Variants in KLHL3 observed in about 807,000 individuals in gnomAD.
The protein encoded by KLHL3 is kelch-like protein 3.
In KLHL3, 19 loss-of-function variants were observed where a neutral mutation model predicts 70.5. That is an observed-to-expected ratio of 0.27 (90% confidence interval 0.19 to 0.40). KLHL3 has a LOEUF of 0.40. Ranked by LOEUF, KLHL3 falls within the 10% of genes least tolerant of loss-of-function variation. KLHL3 has a pLI of 1.00. For synonymous variants in KLHL3, 258 were observed against 290.3 expected, an observed-to-expected ratio of 0.89 and a Z score of 1.13; for missense variants, 512 against 771.1, an observed-to-expected ratio of 0.66 and a Z score of 3.98.
intron 5 of KLHL3, among the ~76,000 whole-genome samples, chr5:137,679,449 A>G (rs1413579223): frequency 2.0e-5 from 3 of 152,296 alleles, no homozygotes; most frequent in Non-Finnish European, 4.4e-5. Flanking sequence ...GCCTTCCCAC[A>G]TGTATCGTTG....
At chr5:137,628,547 G>T in intron 12 of KLHL3, 110 bp from the exon 13 acceptor site, 1 of 1,197,638 alleles carries the variant, frequency 8.3e-7, no homozygotes, top group Non-Finnish European at 1.2e-6. Flanking sequence ...GACTTGGGGA[G>T]TGCCATTTTG....
At chr5:137,665,065 A>G (rs182890957) in intron 6 of KLHL3, among the ~76,000 whole-genome samples, 27 of 152,322 alleles carry the variant, frequency 1.8e-4, no homozygotes, top group African/African-American at 6.5e-4. Flanking sequence ...AAATATTAAT[A>G]TATAACCTGA....
intron 3 of KLHL3, among the ~76,000 whole-genome samples, chr5:137,707,145 G>C (rs1409958058): frequency 6.6e-6 from 1 of 152,148 alleles, no homozygotes; most frequent in Non-Finnish European, 1.5e-5. Flanking sequence ...ATCAAAAAAG[G>C]CTATTTAGGC....
At position 137,619,405 on chromosome 5, in the gene KLHL3, C is replaced by T. The variant is rs1403913861; in HGVS notation, c.*2693G>A. The T allele has an allele frequency of 6.6e-6, 1 of 152,624 alleles. No individual in the cohort carries two copies. The highest frequency in any genetic ancestry group is 1.5e-5 in the Non-Finnish European group (1 of 68,034). The allele number at this position is 152,624 out of a possible 1,614,324, so 9.5% of individuals were successfully genotyped here. A position where few individuals can be genotyped will look rare whatever the true frequency, so the allele number is the denominator to read the frequency against. ...ATTGTTCAAATCAGTATCCAAGTGG[C>T]GTCTCGGCTGCTTCTAACCTTGGGC... On this transcript the variant is annotated 3_prime_UTR_variant, in exon 15 of 15. Coordinates refer to ENST00000309755, the MANE Select transcript of KLHL3 (RefSeq NM_017415.3).
At chr5:137,626,588 G>C (rs1279477355) in intron 13 of KLHL3, among the ~76,000 whole-genome samples, 1 of 152,210 alleles carries the variant, frequency 6.6e-6, no homozygotes, top group Non-Finnish European at 1.5e-5. Context: ...TAAGGGATTG[G>C]TGATACTCTA....
Position 137,620,018 on chromosome 5 carries a change from T to G in KLHL3, c.*2080A>C, listed in dbSNP as rs3813318. ...CATCACACAGACACACCGAAACAAG[T>G]CTCAAAATTTCCTCAGAGAAGGAGA... On this transcript the variant is annotated 3_prime_UTR_variant, in exon 15 of 15. Transcript: ENST00000309755. The G allele has an allele frequency of 0.19, 28,368 of 151,844 alleles. 3,435 individuals carry two copies. The highest frequency in any genetic ancestry group is 0.26 in the Non-Finnish European group (17,500 of 67,924). 9.4% of individuals were successfully genotyped at this position (151,844 alleles called of 1,614,324 possible). A position where few individuals can be genotyped will look rare whatever the true frequency, so the allele number is the denominator to read the frequency against.
intron 13 of KLHL3, chr5:137,628,060 C>T: frequency 3.7e-6 from 2 of 536,448 alleles, no homozygotes; most frequent in Non-Finnish European, 6.7e-6. Context: ...AGTCATCACC[C>T]TTCACTGCGG....
chr5:137,631,885 T>C (rs1750644955), intron 12 of KLHL3, among the ~76,000 whole-genome samples: 1 of 152,214 alleles, frequency 6.6e-6, no homozygotes, highest in Non-Finnish European at 1.5e-5. Context: ...TATAAAGTAC[T>C]GTGTCTAGCT....
At chr5:137,655,308 T>C (rs1751309991) in intron 8 of KLHL3, among the ~76,000 whole-genome samples, 1 of 152,140 alleles carries the variant, frequency 6.6e-6, no homozygotes, top group Non-Finnish European at 1.5e-5. Context: ...AAGAGGGGAA[T>C]TAATGAATAA....
chr5:137,720,644 C>A lies in KLHL3; in HGVS notation c.15-60G>T, dbSNP rs117513362. The A allele has an allele frequency of 6.2e-5, 99 of 1,605,662 alleles. 1 individual carries two copies. In the East Asian group the frequency reaches 2.2e-3, roughly 36 times the overall value. On this transcript the variant is annotated intron_variant, in intron 1 of 14. Transcript: ENST00000309755. ...TCACTCATTGGTAAACCCATTCATC[C>A]AACTGCCAAAAGCCCATGCATTTAC...
At chr5:137,633,978 T>C in intron 12 of KLHL3, 59 bp downstream of exon 12, 1 of 1,609,946 alleles carries the variant, frequency 6.2e-7, no homozygotes, top group Non-Finnish European at 8.5e-7. Context: ...AACAAAAAAA[T>C]TTAAGGACCC....
intron 1 of KLHL3, among the ~76,000 whole-genome samples, chr5:137,735,039 A>G (rs1476278990): frequency 6.6e-6 from 1 of 152,208 alleles, no homozygotes; most frequent in African/African-American, 2.4e-5. Flanking sequence ...TAAACTTTTC[A>G]ATACAAATAT....
intron 1 of KLHL3, among the ~76,000 whole-genome samples, chr5:137,726,117 G>A (rs901611846): frequency 2.0e-5 from 3 of 152,140 alleles, no homozygotes; most frequent in African/African-American, 7.2e-5. Flanking sequence ...ATCTGACCAT[G>A]ACTTTCAGAT....
At chr5:137,678,364 A>T (rs887341542) in intron 5 of KLHL3, among the ~76,000 whole-genome samples, 9 of 152,236 alleles carry the variant, frequency 5.9e-5, no homozygotes, top group Admixed American at 3.9e-4. Context: ...GGGAAATACC[A>T]GGGACAATTC....
chr5:137,678,779 T>C (rs1011322434), intron 5 of KLHL3, among the ~76,000 whole-genome samples: 8 of 151,862 alleles, frequency 5.3e-5, no homozygotes, highest in African/African-American at 1.9e-4. Flanking sequence ...CAGTTTACTC[T>C]CAAATATTGA....
intron 8 of KLHL3, among the ~76,000 whole-genome samples, chr5:137,652,343 T>C (rs1251943670): frequency 6.6e-6 from 1 of 152,222 alleles, no homozygotes; most frequent in East Asian, 1.9e-4. Context: ...GAAATCAGTA[T>C]GTCAGAGAGA....
chr5:137,625,923 G>C (rs771641729), intron 13 of KLHL3, 27 bp from the exon 14 acceptor site: 1 of 1,613,966 alleles, frequency 6.2e-7, no homozygotes, highest in Non-Finnish European at 8.5e-7. Context: ...AGCCATGGGA[G>C]ACATCACAGC....
chr5:137,649,726 G>C (rs768472041), intron 8 of KLHL3, among the ~76,000 whole-genome samples: 3 of 152,252 alleles, frequency 2.0e-5, no homozygotes, highest in African/African-American at 4.8e-5. Flanking sequence ...GATAATTACA[G>C]TTATGAAAAT....
At chr5:137,683,004 C>CATAATAT (rs1752071628) in intron 5 of KLHL3, among the ~76,000 whole-genome samples, 2 of 152,254 alleles carry the variant, frequency 1.3e-5, no homozygotes, top group South Asian at 4.1e-4. Context: ...GATTGAGAGA[C>CATAATAT]ATAATATATG....
Sources: gnomAD v4.1 joint callset for allele counts (sites outside exome capture counted in the v4.1 genomes callset) on GRCh38, gnomAD v4.1.1 for gene constraint, MANE v1.5 for transcripts, NCBI Gene and HGNC (gene_info 2026-07-23, HGNC 2026-07-21) for gene names.